Variants in MAP2K6 observed in about 807,000 individuals in gnomAD.
MAP2K6 encodes the protein mitogen-activated protein kinase kinase 6.
MAP2K6 carries 16 observed loss-of-function variants against 53.7 expected under a neutral mutation model. That is an observed-to-expected ratio of 0.30 (90% confidence interval 0.20 to 0.45). The LOEUF is 0.45. MAP2K6 is among the 20% of genes least tolerant of loss of function. The pLI is 1.00. For synonymous variants in MAP2K6, 132 were observed against 143.1 expected (o/e 0.92, Z 0.55); for missense variants, 204 against 411.9 (o/e 0.50, Z 4.37).
At chr17:69,528,982 C>A (rs548123025) in intron 10 of MAP2K6, among the ~76,000 whole-genome samples, 11 of 151,830 alleles carry the variant, frequency 7.2e-5, no homozygotes, top group African/African-American at 2.4e-4. Flanking sequence ...AAATTATTCT[C>A]CCTATTACCT....
intron 1 of MAP2K6, among the ~76,000 whole-genome samples, chr17:69,440,578 C>A (rs187408497): frequency 1.3e-5 from 2 of 152,138 alleles, no homozygotes; most frequent in East Asian, 3.9e-4. Context: ...CATTTCTTTT[C>A]ACTTTAGAGA....
At chr17:69,428,299 A>G (rs1906338216) in intron 1 of MAP2K6, among the ~76,000 whole-genome samples, 1 of 152,162 alleles carries the variant, frequency 6.6e-6, no homozygotes, top group East Asian at 1.9e-4. Context: ...ATAAGGAAAA[A>G]TCTGTTTTGT....
chr17:69,473,767 A>G (rs1455404440), intron 1 of MAP2K6, among the ~76,000 whole-genome samples: 1 of 152,224 alleles, frequency 6.6e-6, no homozygotes, highest in South Asian at 2.1e-4. Context: ...GAGTTGACTT[A>G]AAATGTAAAA....
intron 1 of MAP2K6, among the ~76,000 whole-genome samples, chr17:69,466,206 T>G (rs1222908558): frequency 6.8e-6 from 1 of 146,740 alleles, no homozygotes; most frequent in African/African-American, 2.5e-5. Flanking sequence ...GGCAGGAGAA[T>G]AGCTTGAAAC....
chr17:69,436,355 G>A (rs1186379944), intron 1 of MAP2K6, among the ~76,000 whole-genome samples: 1 of 152,116 alleles, frequency 6.6e-6, no homozygotes, highest in East Asian at 1.9e-4. Flanking sequence ...TTATAATAGT[G>A]ATTGTACAGT....
At chr17:69,511,206 T>C (rs901865409) in intron 2 of MAP2K6, among the ~76,000 whole-genome samples, 3 of 152,228 alleles carry the variant, frequency 2.0e-5, no homozygotes, top group Admixed American at 6.5e-5. Flanking sequence ...TACTTATCTG[T>C]TTCACTGTGT....
At chr17:69,436,206 A>C (rs1398357718) in intron 1 of MAP2K6, among the ~76,000 whole-genome samples, 2 of 152,108 alleles carry the variant, frequency 1.3e-5, no homozygotes, top group East Asian at 3.8e-4. Flanking sequence ...CTGCTATCCT[A>C]ATCCCTCACC....
intron 5 of MAP2K6, chr17:69,519,740 A>G (rs1236141177): frequency 1.7e-5 from 5 of 288,012 alleles, no homozygotes; most frequent in African/African-American, 6.8e-5. Context: ...TATAATTTGA[A>G]ATATTCTGGT....
Position 69,541,926 on chromosome 17 carries a change from C to A in MAP2K6, c.*173C>A. 1 of 509,844 alleles carries A rather than the reference C, an allele frequency of 2.0e-6. No individual in the cohort carries two copies. The highest frequency in any genetic ancestry group is 3.6e-5 in the East Asian group (1 of 27,714). The allele number at this position is 509,844 out of a possible 1,614,324, so 31.6% of individuals were successfully genotyped here. A position where few individuals can be genotyped will look rare whatever the true frequency, so the allele number is the denominator to read the frequency against. ...CCCCCTCTTAAGGGGGCCTTGGAATCTATAGTATAGAATGAACTGTCTAGA... is the reference window on the plus strand; with the variant it reads ...CCCCCTCTTAAGGGGGCCTTGGAATATATAGTATAGAATGAACTGTCTAGA... On this transcript the variant is annotated 3_prime_UTR_variant, in exon 12 of 12. Coordinates refer to ENST00000590474, the MANE Select transcript of MAP2K6 (RefSeq NM_002758.4).
At chr17:69,470,885 G>A (rs533288097) in intron 1 of MAP2K6, among the ~76,000 whole-genome samples, 15 of 151,818 alleles carry the variant, frequency 9.9e-5, no homozygotes, top group East Asian at 1.9e-4. Context: ...CCCTTTTACC[G>A]TCTCCCATCC....
At chr17:69,455,860 T>G (rs1035776132) in intron 1 of MAP2K6, among the ~76,000 whole-genome samples, 60 of 145,824 alleles carry the variant, frequency 4.1e-4, no homozygotes, top group Non-Finnish European at 6.5e-4. Flanking sequence ...AGTTTTTTTT[T>G]TTTTTTTTTT....
rs547677397 is a variant in MAP2K6 at position 69,544,482 on chromosome 17, A to G, written c.*2729A>G. On this transcript the variant is annotated 3_prime_UTR_variant, in exon 12 of 12. Coordinates refer to ENST00000590474, the MANE Select transcript of MAP2K6 (RefSeq NM_002758.4). ...TCTGTACATATAGACTTATATATAA[A>G]GACATCTGTGTTCACGGATGACCCT... The G allele has an allele frequency of 6.6e-6, 1 of 152,326 alleles. No individual in the cohort carries two copies. The highest frequency in any genetic ancestry group is 2.1e-4 in the South Asian group (1 of 4,830). 9.4% of individuals were successfully genotyped at this position (152,326 alleles called of 1,614,324 possible).
intron 1 of MAP2K6, among the ~76,000 whole-genome samples, chr17:69,486,527 G>A (rs545979489): frequency 1.3e-5 from 2 of 152,292 alleles, no homozygotes; most frequent in African/African-American, 2.4e-5. Context: ...GAAGCATCAG[G>A]TTGAGAATAT....
chr17:69,458,214 C>T (rs1373729896), intron 1 of MAP2K6, among the ~76,000 whole-genome samples: 4 of 152,002 alleles, frequency 2.6e-5, no homozygotes, highest in Admixed American at 1.3e-4. Context: ...CCATCAAGCC[C>T]GCTAATTTTT....
chr17:69,483,059 G>A (rs1319110657), intron 1 of MAP2K6, among the ~76,000 whole-genome samples: 4 of 151,784 alleles, frequency 2.6e-5, no homozygotes, highest in African/African-American at 9.7e-5. Flanking sequence ...AACAACATAA[G>A]GATGTCTTTT....
At position 69,548,803 on chromosome 17, in the gene MAP2K6, T is replaced by A. The variant is rs908698032; in HGVS notation, c.*7050T>A. The A allele has an allele frequency of 6.6e-6, 1 of 152,178 alleles. No individual in the cohort carries two copies. The highest frequency in any genetic ancestry group is 1.5e-5 in the Non-Finnish European group (1 of 68,018). 9.4% of individuals were successfully genotyped at this position (152,178 alleles called of 1,614,324 possible). A position where few individuals can be genotyped will look rare whatever the true frequency, so the allele number is the denominator to read the frequency against. On this transcript the variant is annotated 3_prime_UTR_variant, in exon 12 of 12. Coordinates refer to ENST00000590474, the MANE Select transcript of MAP2K6 (RefSeq NM_002758.4). ...TACAGCTATGCAAATATTGTACTAT[T>A]ACAGATTTTTCTAATGAAGTAGTTT...
chr17:69,505,732 C>G (rs540502338), intron 1 of MAP2K6, 48 bp from the exon 2 acceptor site: 1 of 1,461,084 alleles, frequency 6.8e-7, no homozygotes. Flanking sequence ...TCTCTGCTAT[C>G]TTGCTATGAT....
intron 10 of MAP2K6, 28 bp from the exon 11 acceptor site, chr17:69,536,087 T>C: frequency 1.3e-6 from 2 of 1,494,982 alleles, no homozygotes; most frequent in Non-Finnish European, 1.9e-6. Flanking sequence ...GGCTTCTAGA[T>C]TTTAATGATT....
intron 1 of MAP2K6, among the ~76,000 whole-genome samples, chr17:69,441,859 G>T (rs781458223): frequency 3.9e-5 from 6 of 152,144 alleles, no homozygotes; most frequent in African/African-American, 1.4e-4. Flanking sequence ...CTGGAGAGAA[G>T]GGACTCCCTG....
Sources: gnomAD v4.1 joint callset for allele counts (sites outside exome capture counted in the v4.1 genomes callset) on GRCh38, gnomAD v4.1.1 for gene constraint, MANE v1.5 for transcripts, NCBI Gene and HGNC (gene_info 2026-07-23, HGNC 2026-07-21) for gene names.